Variants in SLC30A9 observed in about 807,000 individuals in gnomAD.
SLC30A9 encodes solute carrier family 30 member 9.
In SLC30A9, 58 loss-of-function variants were observed where a neutral mutation model predicts 87.5. The observed-to-expected ratio is 0.66, with a 90% CI of 0.54 to 0.82. The LOEUF is 0.82. Ranked by LOEUF, SLC30A9 falls within the 40% of genes least tolerant of loss-of-function variation. The pLI is 0.00. For synonymous variants in SLC30A9, 234 were observed against 233.0 expected (o/e 1.00, Z -0.04); for missense variants, 557 against 679.1 (o/e 0.82, Z 2.00).
chr4:42,065,992 C>G (rs914079674), intron 12 of SLC30A9, among the ~76,000 whole-genome samples: 5 of 152,034 alleles, frequency 3.3e-5, no homozygotes, highest in Admixed American at 6.6e-5. Flanking sequence ...TATTTACTGG[C>G]TCTTGTGAGA....
intron 8 of SLC30A9, among the ~76,000 whole-genome samples, chr4:42,046,368 A>G (rs1717152470): frequency 6.6e-6 from 1 of 152,258 alleles, no homozygotes; most frequent in Non-Finnish European, 1.5e-5. Context: ...CCTTAAGCTG[A>G]TAAGCAACTT....
At chr4:42,000,710 T>C (rs1714945533) in intron 1 of SLC30A9, among the ~76,000 whole-genome samples, 1 of 152,080 alleles carries the variant, frequency 6.6e-6, no homozygotes, top group Non-Finnish European at 1.5e-5. Context: ...AATGCATATA[T>C]CTGCACACAC....
rs763261920 is a variant in SLC30A9, at chr4:42,049,454, A to G, written c.815A>G (p.His272Arg). The G allele has an allele frequency of 6.3e-7, 1 of 1,597,314 alleles. No individual in the cohort carries two copies. Among genetic ancestry groups the G allele is most frequent in the Non-Finnish European group, 8.5e-7 (1 of 1,169,630 alleles). The change falls in exon 9 of 18, where the codon CAC becomes CGC. Residue 272 changes from histidine to arginine, a missense_variant. Physicochemically the swap from His to Arg is conservative, Grantham distance 29 (BLOSUM62 0). Around this residue, in one of 2 missense-constraint regions of SLC30A9, gnomAD observed 467 missense variants for 529.8 expected, o/e 0.88. Transcript: ENST00000264451. Reference protein sequence around the residue: ...GSASMFSEAIHSLSDTCNQGL... With the variant: ...GSASMFSEAIRSLSDTCNQGL... The stretch of plus-strand genomic sequence containing the variant: ...GCAAGTATGTTCTCAGAAGCTATAC[A>G]CTCATTATCTGATACTTGTAATCAG...
chr4:42,062,174 A>T (rs983947280), intron 10 of SLC30A9, among the ~76,000 whole-genome samples: 3 of 151,706 alleles, frequency 2.0e-5, no homozygotes, highest in African/African-American at 7.3e-5. Flanking sequence ...AGCCTGAGCA[A>T]CGAGCAAAAC....
chr4:42,063,101 C>T lies in SLC30A9; in HGVS notation c.1012C>T (p.Pro338Ser), dbSNP rs761551854. The part of the protein sequence containing the change: ...HGVMGLLHPQ[P>S]IESLLWAYCI... ...AGTCATGGGATTGCTTCATCCTCAA[C>T]CAATAGAATCCCTTCTATGGGTAAT... is the stretch of plus-strand genomic sequence containing the variant. Residue 338 changes from proline to serine, a missense_variant, in exon 11 of 18, where the codon CCA (proline) becomes TCA (serine). Physicochemically the swap from Pro to Ser is moderately conservative, Grantham distance 74. Transcript: ENST00000264451. The T allele has an allele frequency of 3.7e-6, 6 of 1,613,548 alleles. No individual in the cohort carries two copies. In the Admixed American group the frequency reaches 6.7e-5, roughly 18 times the overall value.
At chr4:42,046,103 T>C (rs921108660) in intron 8 of SLC30A9, among the ~76,000 whole-genome samples, 21 of 152,128 alleles carry the variant, frequency 1.4e-4, no homozygotes, top group African/African-American at 4.6e-4. Context: ...AAAGAGCTAT[T>C]TATGACAAAC....
intron 1 of SLC30A9, among the ~76,000 whole-genome samples, chr4:41,995,104 A>G (rs919788727): frequency 1.3e-4 from 19 of 151,476 alleles, no homozygotes; most frequent in Non-Finnish European, 2.5e-4. Flanking sequence ...CTAAAAACAC[A>G]AAAAAATTAG....
chr4:42,014,875 A>G (rs374335625), intron 2 of SLC30A9, among the ~76,000 whole-genome samples: 5 of 152,286 alleles, frequency 3.3e-5, no homozygotes, highest in South Asian at 4.1e-4. Flanking sequence ...ATGGAGAGAG[A>G]GAGAGTAGAA....
At chr4:42,053,838 A>C (rs1717490046) in intron 9 of SLC30A9, among the ~76,000 whole-genome samples, 1 of 152,070 alleles carries the variant, frequency 6.6e-6, no homozygotes, top group South Asian at 2.1e-4. Context: ...ATGGAATATT[A>C]TCTGGCAATA....
At chr4:42,021,060 C>T (rs986189831) in intron 4 of SLC30A9, among the ~76,000 whole-genome samples, 42 of 152,044 alleles carry the variant, frequency 2.8e-4, no homozygotes, top group African/African-American at 8.5e-4. Context: ...CCTTTGTGCA[C>T]GAATTAGAGA....
intron 10 of SLC30A9, 68 bp downstream of exon 10, chr4:42,060,314 G>A: frequency 1.7e-6 from 2 of 1,186,966 alleles, no homozygotes; most frequent in Non-Finnish European, 2.5e-6. Context: ...CTAAATATCA[G>A]AAATCTCCTG....
chr4:42,020,605 A>C, intron 4 of SLC30A9, 90 bp downstream of exon 4: 1 of 632,956 alleles, frequency 1.6e-6, no homozygotes, highest in Non-Finnish European at 2.6e-6. Flanking sequence ...GCTACCATCC[A>C]TATATGGAAA....
intron 17 of SLC30A9, chr4:42,078,573 T>C: frequency 4.0e-6 from 1 of 247,860 alleles, no homozygotes; most frequent in African/African-American, 2.2e-5. Flanking sequence ...TGCAGCCTGC[T>C]TAGTTTCTAA....
chr4:42,032,906 G>C (rs976846012), intron 6 of SLC30A9, among the ~76,000 whole-genome samples: 1 of 152,128 alleles, frequency 6.6e-6, no homozygotes, highest in Non-Finnish European at 1.5e-5. Context: ...ATAAAATCAA[G>C]TTAAAGTAAT....
chr4:42,041,589 A>C (rs1248509141), intron 8 of SLC30A9, among the ~76,000 whole-genome samples: 1 of 152,144 alleles, frequency 6.6e-6, no homozygotes, highest in African/African-American at 2.4e-5. Flanking sequence ...TTTTTTAATT[A>C]GCTGGGCATG....
At chr4:41,998,727 G>A (rs1714849783) in intron 1 of SLC30A9, among the ~76,000 whole-genome samples, 1 of 152,262 alleles carries the variant, frequency 6.6e-6, no homozygotes, top group South Asian at 2.1e-4. Flanking sequence ...GCCTCCTAAA[G>A]TGTTGGGATT....
At chr4:41,994,539 A>G (rs1714607174) in intron 1 of SLC30A9, among the ~76,000 whole-genome samples, 2 of 151,832 alleles carry the variant, frequency 1.3e-5, no homozygotes, top group Non-Finnish European at 2.9e-5. Context: ...GAAAATAGAA[A>G]TCAAACATAC....
intron 12 of SLC30A9, among the ~76,000 whole-genome samples, chr4:42,066,346 T>G (rs534262304): frequency 9.1e-4 from 139 of 152,284 alleles, no homozygotes; most frequent in African/African-American, 3.2e-3. Context: ...TATTAGTAAT[T>G]ATATTTAATT....
intron 9 of SLC30A9, among the ~76,000 whole-genome samples, chr4:42,051,509 A>G (rs1321672663): frequency 6.6e-6 from 1 of 152,236 alleles, no homozygotes; most frequent in Non-Finnish European, 1.5e-5. Context: ...AAGTACAGTC[A>G]TGTATTGAAA....
Sources: allele counts gnomAD v4.1 joint callset (sites outside exome capture counted in the v4.1 genomes callset), GRCh38; gene constraint gnomAD v4.1.1; regional missense constraint gnomAD v4.1.1; transcripts MANE v1.5; gene names NCBI Gene and HGNC (gene_info 2026-07-23, HGNC 2026-07-21).